The following NTRK2 variants were observed in gnomAD, a reference collection of about 807,000 sequenced individuals.
NTRK2 encodes neurotrophic receptor tyrosine kinase 2, also known as BDNF/NT-3 growth factors receptor.
NTRK2 carries 13 observed loss-of-function variants against 94.5 expected under a neutral mutation model. The ratio of observed to expected loss-of-function variants is 0.14; its 90% confidence interval spans 0.09 to 0.22. NTRK2 has a LOEUF of 0.22. Ranked by LOEUF, NTRK2 falls within the 10% of genes least tolerant of loss-of-function variation. The pLI is 1.00. For synonymous variants in NTRK2, 372 were observed against 407.4 expected, an observed-to-expected ratio of 0.91 and a Z score of 1.05; for missense variants, 639 against 1,071.2, an observed-to-expected ratio of 0.60 and a Z score of 5.63.
At chr9:84,885,868 C>T (rs2076397285) in intron 14 of NTRK2, among the ~76,000 whole-genome samples, 1 of 152,058 alleles carries the variant, frequency 6.6e-6, no homozygotes, top group Non-Finnish European at 1.5e-5. Flanking sequence ...CCCCTCTCTA[C>T]TAAAAATACA....
At chr9:84,870,761 C>G (rs1468457250) in intron 14 of NTRK2, among the ~76,000 whole-genome samples, 2 of 152,094 alleles carry the variant, frequency 1.3e-5, no homozygotes, top group Non-Finnish European at 2.9e-5. Context: ...TTTCAATGTG[C>G]TTACAGCATA....
At chr9:84,734,903 G>C (rs2063144037) in intron 9 of NTRK2, among the ~76,000 whole-genome samples, 2 of 152,168 alleles carry the variant, frequency 1.3e-5, no homozygotes, top group South Asian at 4.1e-4. Context: ...CCACCTTTCA[G>C]AGGGTGGGTC....
chr9:84,916,670 C>T (rs1297487402), intron 14 of NTRK2, among the ~76,000 whole-genome samples: 1 of 152,088 alleles, frequency 6.6e-6, no homozygotes, highest in African/African-American at 2.4e-5. Context: ...AGAATTGGTT[C>T]AGGGTCTGGG....
intron 14 of NTRK2, chr9:84,876,585 C>T: frequency 9.5e-7 from 1 of 1,057,242 alleles, no homozygotes; most frequent in Non-Finnish European, 1.1e-6. Context: ...ACTGGTCTCA[C>T]ATTTTCTCTA....
intron 17 of NTRK2, among the ~76,000 whole-genome samples, chr9:84,963,159 C>T (rs764481962): frequency 2.6e-5 from 4 of 152,170 alleles, no homozygotes; most frequent in Non-Finnish European, 4.4e-5. Flanking sequence ...TTTTCCTGCA[C>T]ACCTTTTTCC....
Position 84,851,081 on chromosome 9 carries a change from T to C in NTRK2, c.1397-9959T>C, listed in dbSNP as rs945000537. ...ATTGTTGTGGAGACTGTCCTATGCA[T>C]TGTCCCTGACCTCTGCCTGTTAGAT... On this transcript the variant is annotated intron_variant, in intron 12 of 18. Coordinates refer to ENST00000277120, the MANE Select transcript of NTRK2 (RefSeq NM_006180.6). Among the ~76,000 whole-genome samples, 12 of 152,304 alleles carry C rather than the reference T, an allele frequency of 7.9e-5. No individual in the cohort carries two copies. The East Asian group carries it at 2.3e-3, about 29-fold the overall frequency.
intron 14 of NTRK2, among the ~76,000 whole-genome samples, chr9:84,932,882 T>A (rs2078086576): frequency 6.6e-6 from 1 of 152,198 alleles, no homozygotes; most frequent in Non-Finnish European, 1.5e-5. Context: ...TCTATTTCTC[T>A]TATAAATTAA....
chr9:84,903,977 A>T (rs1358698191), intron 14 of NTRK2, among the ~76,000 whole-genome samples: 2 of 152,228 alleles, frequency 1.3e-5, no homozygotes, highest in Non-Finnish European at 2.9e-5. Context: ...AAGCTCACAG[A>T]TGCTACAAAA....
At chr9:84,909,338 G>C (rs947823679) in intron 14 of NTRK2, among the ~76,000 whole-genome samples, 16 of 152,148 alleles carry the variant, frequency 1.1e-4, no homozygotes, top group African/African-American at 3.6e-4. Context: ...AGGACATCTG[G>C]GTTGTTTTTT....
At chr9:84,889,151 C>T (rs957377833) in intron 14 of NTRK2, among the ~76,000 whole-genome samples, 2 of 149,374 alleles carry the variant, frequency 1.3e-5, no homozygotes, top group African/African-American at 4.9e-5. Context: ...CTACCACGCC[C>T]GGCTAATTTT....
At chr9:84,812,548 A>G (rs1162059067) in intron 12 of NTRK2, 6 of 1,046,722 alleles carry the variant, frequency 5.7e-6, no homozygotes, top group Non-Finnish European at 6.9e-6. Context: ...AAAGGTGTTG[A>G]TTTACAAAGA....
chr9:85,002,498 C>T (rs1160223480), intron 17 of NTRK2, among the ~76,000 whole-genome samples: 1 of 152,154 alleles, frequency 6.6e-6, no homozygotes, highest in Non-Finnish European at 1.5e-5. Flanking sequence ...CAGGGGTAAC[C>T]ACTTTTTCCA....
intron 17 of NTRK2, among the ~76,000 whole-genome samples, chr9:84,974,250 T>C (rs7026417): frequency 0.1 from 15,636 of 152,228 alleles, 1,067 homozygotes; most frequent in East Asian, 0.38. Flanking sequence ...TATCATACTA[T>C]AGACTAATAT....
chr9:84,875,117 G>A (rs201621871), intron 14 of NTRK2: 5 of 1,060,422 alleles, frequency 4.7e-6, no homozygotes, highest in South Asian at 9.1e-5. Context: ...CTAGTCTTGT[G>A]GATATCCTTT....
Position 84,670,831 on chromosome 9 carries a change from C to A in NTRK2, c.83C>A (p.Ala28Asp). 1 of 1,614,126 alleles carries A rather than the reference C, an allele frequency of 6.2e-7. No individual in the cohort carries two copies. ...TGGCTGGTTGTGGGCTTCTGGAGGG[C>A]CGCTTTCGCCTGTCCCACGTCCTGC... ...FCWLVVGFWR[A>D]AFACPTSCKC... Residue 28 changes from alanine (A) to aspartate (D), a missense_variant, in exon 2 of 19, where the codon GCC (alanine) becomes GAC (aspartate). Physicochemically the swap from Ala to Asp is moderately radical, Grantham distance 126. Around this residue, in one of 5 missense-constraint regions of NTRK2, gnomAD observed 206 missense variants for 251.5 expected, o/e 0.82. Coordinates refer to ENST00000277120, the MANE Select transcript of NTRK2 (RefSeq NM_006180.6).
chr9:84,676,661 T>TG (rs1303030365), intron 2 of NTRK2, among the ~76,000 whole-genome samples: 1 of 152,218 alleles, frequency 6.6e-6, no homozygotes, highest in Non-Finnish European at 1.5e-5. Flanking sequence ...AAATGAATGC[T>TG]GGGGGCCTTT....
intron 12 of NTRK2, among the ~76,000 whole-genome samples, chr9:84,833,865 TG>T (rs1165357850): frequency 1.3e-5 from 2 of 152,210 alleles, no homozygotes; most frequent in African/African-American, 4.8e-5. Flanking sequence ...TAAGGATTTC[TG>T]GGGGCAGGAC....
chr9:84,876,795 G>A (rs55674656), intron 14 of NTRK2: 1 of 1,061,424 alleles, frequency 9.4e-7, no homozygotes, highest in Non-Finnish European at 1.1e-6. Context: ...GCCTTATTTA[G>A]AAGGCTAGCC....
chr9:84,946,212 A>G (rs1449935416), intron 15 of NTRK2, among the ~76,000 whole-genome samples: 3 of 152,192 alleles, frequency 2.0e-5, no homozygotes, highest in African/African-American at 7.2e-5. Context: ...TTAATGACTG[A>G]CTGTAGTCTC....
Sources: gnomAD v4.1 joint callset for allele counts (sites outside exome capture counted in the v4.1 genomes callset) on GRCh38, gnomAD v4.1.1 for gene constraint, gnomAD v4.1.1 regional missense constraint, MANE v1.5 for transcripts, NCBI Gene and HGNC (gene_info 2026-07-23, HGNC 2026-07-21) for gene names.